The following ERC2 variants were observed in gnomAD, a reference collection of about 807,000 sequenced individuals.
ERC2 encodes ERC protein 2.
A neutral mutation model predicts 114.8 loss-of-function variants in ERC2; 42 were observed. The observed-to-expected ratio is 0.37, with a 90% CI of 0.29 to 0.47. The LOEUF (loss-of-function observed/expected upper bound fraction) is 0.47, where lower values mean the gene tolerates loss of function less well. Ranked by LOEUF, ERC2 falls within the 20% of genes least tolerant of loss-of-function variation. ERC2 has a pLI of 0.99. For missense variants in ERC2, 939 were observed against 1,150.7 expected, an observed-to-expected ratio of 0.82 and a Z score of 2.66; for synonymous variants, 454 against 425.5, an observed-to-expected ratio of 1.07 and a Z score of -0.82.
chr3:56,067,400 T>C (rs2076531980), intron 7 of ERC2, among the ~76,000 whole-genome samples: 1 of 152,214 alleles, frequency 6.6e-6, no homozygotes, highest in Non-Finnish European at 1.5e-5. Context: ...ATTGATTTTG[T>C]ATCCTGAGAC....
chr3:55,707,600 C>T (rs956231254), intron 15 of ERC2, among the ~76,000 whole-genome samples: 2 of 152,232 alleles, frequency 1.3e-5, no homozygotes, highest in African/African-American at 4.8e-5. Flanking sequence ...TCTATGTGCT[C>T]TGCTCATAAT....
At chr3:55,928,961 G>C (rs751827570) in intron 13 of ERC2, among the ~76,000 whole-genome samples, 4 of 152,030 alleles carry the variant, frequency 2.6e-5, no homozygotes, top group Non-Finnish European at 4.4e-5. Context: ...CTGTTCTATT[G>C]GTCCATGTAT....
In ERC2 at chr3:56,248,405, T is replaced by C. The variant is rs182709198; in HGVS notation, c.1074+47614A>G. ...CACTGTGCCTGGCCCTACTACCAATTATTTTCTTTTAAAAATGGGATTTAG... is the reference window on the plus strand; with the variant it reads ...CACTGTGCCTGGCCCTACTACCAATCATTTTCTTTTAAAAATGGGATTTAG... On this transcript the variant is annotated intron_variant, in intron 3 of 17. Coordinates refer to ENST00000288221, the MANE Select transcript of ERC2 (RefSeq NM_015576.3). Among the ~76,000 whole-genome samples, 117 of 152,298 alleles carry C rather than the reference T, an allele frequency of 7.7e-4. No homozygotes were observed. In the East Asian group the frequency reaches 0.01, roughly 13 times the overall value.
At chr3:55,601,727 T>C (rs2058415476) in intron 17 of ERC2, among the ~76,000 whole-genome samples, 1 of 152,202 alleles carries the variant, frequency 6.6e-6, no homozygotes, top group Non-Finnish European at 1.5e-5. Flanking sequence ...TTTGGGAGGC[T>C]GAGGCAAGAG....
At chr3:56,066,037 G>A (rs997013298) in intron 7 of ERC2, among the ~76,000 whole-genome samples, 1 of 152,112 alleles carries the variant, frequency 6.6e-6, no homozygotes, top group Non-Finnish European at 1.5e-5. Flanking sequence ...ATAGCAGAAC[G>A]ATTTATATTC....
At chr3:56,466,895 A>G (rs574354658) in intron 1 of ERC2, among the ~76,000 whole-genome samples, 7 of 152,158 alleles carry the variant, frequency 4.6e-5, no homozygotes, top group African/African-American at 9.7e-5. Context: ...AAAGACTGCA[A>G]TTCTGGAGAA....
intron 14 of ERC2, among the ~76,000 whole-genome samples, chr3:55,740,364 G>A (rs2065902978): frequency 6.6e-6 from 1 of 151,368 alleles, no homozygotes; most frequent in Non-Finnish European, 1.5e-5. Flanking sequence ...ATTTTGTTTT[G>A]CTTTTGGCTA....
chr3:55,947,728 G>A (rs948026361), intron 13 of ERC2, among the ~76,000 whole-genome samples: 3 of 152,288 alleles, frequency 2.0e-5, no homozygotes, highest in Admixed American at 2.0e-4. Context: ...TAGTCAACCT[G>A]CAAATCTGTA....
chr3:56,113,530 G>A (rs775173720), intron 6 of ERC2, among the ~76,000 whole-genome samples: 1 of 152,186 alleles, frequency 6.6e-6, no homozygotes, highest in Non-Finnish European at 1.5e-5. Flanking sequence ...CTCTAGGAAT[G>A]TAGAATGTTA....
chr3:56,180,787 A>G (rs2083246556), intron 3 of ERC2, among the ~76,000 whole-genome samples: 1 of 152,228 alleles, frequency 6.6e-6, no homozygotes, highest in Non-Finnish European at 1.5e-5. Context: ...TGGTTAAGAC[A>G]GTAAATTTTA....
intron 7 of ERC2, among the ~76,000 whole-genome samples, chr3:56,068,719 T>C (rs1169203797): frequency 1.3e-5 from 2 of 152,226 alleles, no homozygotes; most frequent in African/African-American, 4.8e-5. Flanking sequence ...GCTTTAGCTG[T>C]GTTCCTGAGA....
At chr3:56,350,701 C>T (rs1223419083) in intron 2 of ERC2, among the ~76,000 whole-genome samples, 4 of 152,108 alleles carry the variant, frequency 2.6e-5, no homozygotes, top group East Asian at 3.9e-4. Context: ...AAAGCCAGAA[C>T]AGACTGGAGC....
At chr3:56,055,023 G>C (rs776717377) in intron 7 of ERC2, among the ~76,000 whole-genome samples, 17 of 152,182 alleles carry the variant, frequency 1.1e-4, no homozygotes, top group Non-Finnish European at 1.9e-4. Flanking sequence ...AAGACAATGC[G>C]CGTGTTAGGT....
Position 56,434,920 on chromosome 3 carries a change from G to C in ERC2, c.88C>G (p.Arg30Gly). 1 of 1,613,824 alleles carries C rather than the reference G, an allele frequency of 6.2e-7. No individual in the cohort carries two copies. The highest frequency in any genetic ancestry group is 8.5e-7 in the Non-Finnish European group (1 of 1,179,862). The change falls in exon 2 of 18, where the codon CGA becomes GGA. Residue 30 changes from arginine (R) to glycine (G), a missense_variant. Arg to Gly is a moderately radical substitution (Grantham distance 125). Transcript: ENST00000288221. ...RLPRSPRLGHRRTSSGGGGGT... is the reference protein window; with the variant it reads ...RLPRSPRLGHGRTSSGGGGGT... ...CCACCTCCCCCACTACTTGTTCTTC[G>C]GTGGCCCAAACGAGGAGACCTTGGC...
intron 2 of ERC2, among the ~76,000 whole-genome samples, chr3:56,328,001 T>C (rs57505083): frequency 6.6e-6 from 1 of 152,166 alleles, no homozygotes; most frequent in Non-Finnish European, 1.5e-5. Flanking sequence ...GTGAATAAGG[T>C]CTAGCCTTCA....
At chr3:56,270,164 G>A (rs934942537) in intron 3 of ERC2, among the ~76,000 whole-genome samples, 1 of 146,878 alleles carries the variant, frequency 6.8e-6, no homozygotes, top group Non-Finnish European at 1.5e-5. Flanking sequence ...GGGCACAAGA[G>A]CACCTAAAAA....
chr3:56,399,443 A>T (rs1313378244), intron 2 of ERC2, among the ~76,000 whole-genome samples: 3 of 152,194 alleles, frequency 2.0e-5, no homozygotes, highest in Non-Finnish European at 2.9e-5. Context: ...CAATGTCGGC[A>T]TGGGGAACCA....
chr3:55,687,664 TCCA>T (rs1392448749), intron 16 of ERC2, among the ~76,000 whole-genome samples: 9 of 152,192 alleles, frequency 5.9e-5, no homozygotes, highest in Admixed American at 2.6e-4. Context: ...CAGACTCGCC[TCCA>T]CCCCTAATTC....
chr3:55,519,170 A>T (rs1195960055), intron 17 of ERC2, among the ~76,000 whole-genome samples: 2 of 152,236 alleles, frequency 1.3e-5, no homozygotes, highest in Admixed American at 1.3e-4. Context: ...TGTGGCTTTC[A>T]TCACAGAGAC....
Sources: allele counts gnomAD v4.1 joint callset (sites outside exome capture counted in the v4.1 genomes callset), GRCh38; gene constraint gnomAD v4.1.1; transcripts MANE v1.5; gene names NCBI Gene and HGNC (gene_info 2026-07-23, HGNC 2026-07-21).